CIMIP2A: variants seen among roughly 807,000 people sequenced by gnomAD.
CIMIP2A encodes ciliary microtubule inner protein 2A.
the CIMIP2A span, among the ~76,000 whole-genome samples, chr9:137,246,655 C>A: frequency 6.6e-6 from 1 of 151,992 alleles, no homozygotes; most frequent in Admixed American, 6.6e-5. Context: ...CCCAGCTGCT[C>A]GGGAGGCTGA....
chr9:137,254,394 T>TG, the CIMIP2A span, among the ~76,000 whole-genome samples: 1 of 81,644 alleles, frequency 1.2e-5, no homozygotes, highest in Admixed American at 1.6e-4. Context: ...GCCCGGCTTG[T>TG]GGGAACAGGA....
chr9:137,244,781 T>G, the CIMIP2A span: 1 of 1,599,074 alleles, frequency 6.3e-7, no homozygotes, highest in Admixed American at 1.8e-5. Context: ...CCCCTTAGCC[T>G]TCCCCTGGGC....
At chr9:137,247,528 C>T in the CIMIP2A span, 5 of 820,780 alleles carry the variant, frequency 6.1e-6, no homozygotes, top group Admixed American at 4.6e-5. Context: ...TGCAGTGCCC[C>T]GTGGTGTGGC....
At chr9:137,246,364 C>T in the CIMIP2A span, among the ~76,000 whole-genome samples, 596 of 152,312 alleles carry the variant, frequency 3.9e-3, 2 homozygotes, top group African/African-American at 0.013. Flanking sequence ...TGGGCTTTTC[C>T]GGGCCCTCAT....
chr9:137,251,536 T>C, the CIMIP2A span: 2 of 924,806 alleles, frequency 2.2e-6, no homozygotes, highest in Non-Finnish European at 3.2e-6. Context: ...GGCAGGCGGC[T>C]GGGAGCGGCC....
At chr9:137,244,734 A>G in the CIMIP2A span, 3 of 1,612,776 alleles carry the variant, frequency 1.9e-6, no homozygotes, top group Non-Finnish European at 2.5e-6. Flanking sequence ...AAGCCAGCAT[A>G]GCCTGGGGGT....
At chr9:137,244,972 G>A in the CIMIP2A span, 3 of 1,605,694 alleles carry the variant, frequency 1.9e-6, no homozygotes, top group Admixed American at 1.7e-5. Context: ...CAGGCCGCTA[G>A]CCTGTTCTGG....
At chr9:137,249,540 C>G in the CIMIP2A span, among the ~76,000 whole-genome samples, 46 of 152,302 alleles carry the variant, frequency 3.0e-4, no homozygotes, top group Middle Eastern at 0.01. Flanking sequence ...ACCTCCTGCC[C>G]TCCTTTCACC....
the CIMIP2A span, chr9:137,251,596 C>A: frequency 8.7e-7 from 1 of 1,143,298 alleles, no homozygotes; most frequent in Non-Finnish European, 1.2e-6. Flanking sequence ...CGGCCAGGGG[C>A]TGAGGGACAG....
At chr9:137,253,490 T>C in the CIMIP2A span, 1 of 1,430,338 alleles carries the variant, frequency 7.0e-7, no homozygotes. Flanking sequence ...CCGAGCTCTG[T>C]GGTGTGCAGT....
the CIMIP2A span, chr9:137,251,834 G>T: frequency 2.5e-6 from 4 of 1,606,722 alleles, no homozygotes; most frequent in African/African-American, 4.0e-5. Context: ...TTGGCCTCAG[G>T]TTACAGACGG....
At chr9:137,245,013 C>A in the CIMIP2A span, 1 of 1,610,170 alleles carries the variant, frequency 6.2e-7, no homozygotes, top group African/African-American at 1.3e-5. Flanking sequence ...GTGGCAGCCT[C>A]CTCAGGGGCT....
the CIMIP2A span, chr9:137,244,996 G>C: frequency 1.2e-6 from 2 of 1,608,136 alleles, no homozygotes; most frequent in Non-Finnish European, 1.7e-6. Flanking sequence ...AGGAAAAGTG[G>C]GCCCCTGTGG....
chr9:137,249,044 GAC>G, the CIMIP2A span, among the ~76,000 whole-genome samples: 3 of 150,198 alleles, frequency 2.0e-5, no homozygotes, highest in Non-Finnish European at 4.4e-5. Flanking sequence ...TTTTAGTAGA[GAC>G]AGGGTTTCAC....
At chr9:137,246,693 G>A in the CIMIP2A span, among the ~76,000 whole-genome samples, 1 of 152,124 alleles carries the variant, frequency 6.6e-6, no homozygotes, top group Non-Finnish European at 1.5e-5. Flanking sequence ...AACCCAGGAG[G>A]CGGAGCTTGC....
At chr9:137,243,940 TC>T in the CIMIP2A span, 2 of 987,314 alleles carry the variant, frequency 2.0e-6, no homozygotes, top group Admixed American at 2.1e-5. Context: ...CCTGTCCTGT[TC>T]CAGGTACCCA....
the CIMIP2A span, chr9:137,253,042 G>A: frequency 2.0e-6 from 3 of 1,488,404 alleles, no homozygotes; most frequent in South Asian, 3.8e-5. Context: ...CAGGGGCCGG[G>A]GGTGGGAACT....
chr9:137,248,388 C>CA, the CIMIP2A span, among the ~76,000 whole-genome samples: 16 of 151,820 alleles, frequency 1.1e-4, no homozygotes, highest in East Asian at 3.1e-3. Flanking sequence ...ACTAAAAATA[C>CA]AAAAATTAGC....
the CIMIP2A span, chr9:137,244,551 T>C: frequency 7.7e-6 from 12 of 1,558,958 alleles, no homozygotes; most frequent in South Asian, 1.1e-4. Context: ...TCAGGGAACC[T>C]GGCCTTCAAG....
Sources: allele counts gnomAD v4.1 joint callset (sites outside exome capture counted in the v4.1 genomes callset), GRCh38; gene constraint gnomAD v4.1.1; transcripts MANE v1.5; gene names NCBI Gene and HGNC (gene_info 2026-07-23, HGNC 2026-07-21).